RELN: variants seen among roughly 807,000 people sequenced by gnomAD.
RELN encodes the protein reelin.
In RELN, 108 loss-of-function variants were observed where a neutral mutation model predicts 427.6. The ratio of observed to expected loss-of-function variants is 0.25; its 90% CI spans 0.22 to 0.30. The LOEUF is 0.30. RELN is among the 10% of genes least tolerant of loss of function. The pLI is 1.00. For missense variants in RELN, 3,715 were observed against 4,302.8 expected, an observed-to-expected ratio of 0.86 and a Z score of 3.82; for synonymous variants, 1,524 against 1,513.4, an observed-to-expected ratio of 1.01 and a Z score of -0.16.
In RELN at chr7:103,539,341, T is replaced by G. The variant is rs1252466702; in HGVS notation, c.6931-14A>C. ...TCCAATAAGAATCTGAAATGTATTT[T>G]TAAAAAATCCCAAATTTTCCATTTA... On this transcript the variant is annotated splice_polypyrimidine_tract_variant and intron_variant, in intron 44 of 64. Coordinates refer to ENST00000428762, the MANE Select transcript of RELN (RefSeq NM_005045.4). The G allele has an allele frequency of 1.9e-6, 3 of 1,612,856 alleles. No individual in the cohort carries two copies. In the Admixed American group the frequency reaches 5.0e-5, roughly 27 times the overall value.
At chr7:103,526,206 G>A (rs888920145) in intron 46 of RELN, among the ~76,000 whole-genome samples, 3 of 152,268 alleles carry the variant, frequency 2.0e-5, no homozygotes, top group African/African-American at 4.8e-5. Flanking sequence ...TAGAGAAACT[G>A]TATGGAAGAT....
At chr7:103,706,583 C>T (rs576456585) in intron 8 of RELN, among the ~76,000 whole-genome samples, 2 of 152,062 alleles carry the variant, frequency 1.3e-5, no homozygotes, top group Admixed American at 1.3e-4. Flanking sequence ...CCCATGCTTT[C>T]GACTTCTTCA....
At chr7:103,687,974 C>T (rs1833797557) in intron 10 of RELN, among the ~76,000 whole-genome samples, 1 of 152,066 alleles carries the variant, frequency 6.6e-6, no homozygotes, top group Non-Finnish European at 1.5e-5. Context: ...GTGAAAAGCA[C>T]ACTACTTACA....
chr7:103,485,229 C>CAAAAAAAAAAAA (rs35324403), intron 61 of RELN, among the ~76,000 whole-genome samples: 1 of 96,438 alleles, frequency 1.0e-5, no homozygotes, highest in Non-Finnish European at 2.2e-5. Flanking sequence ...TTTGGCAGGC[C>CAAAAAAAAAAAA]AAAAAAAAAA....
chr7:103,914,133 T>C (rs567697517), intron 2 of RELN, among the ~76,000 whole-genome samples: 1 of 152,328 alleles, frequency 6.6e-6, no homozygotes, highest in Non-Finnish European at 1.5e-5. Context: ...CCATAGGAAA[T>C]GTCTTGAAGA....
At chr7:103,543,790 C>T (rs573388436) in intron 42 of RELN, among the ~76,000 whole-genome samples, 248 of 152,202 alleles carry the variant, frequency 1.6e-3, no homozygotes, top group Admixed American at 4.2e-3. Context: ...ACCATTTTAA[C>T]CACGTCAAAG....
intron 3 of RELN, among the ~76,000 whole-genome samples, chr7:103,799,018 G>A (rs1792379070): frequency 6.6e-6 from 1 of 152,082 alleles, no homozygotes; most frequent in African/African-American, 2.4e-5. Flanking sequence ...ACTGGTTTCA[G>A]ACCTACCCCC....
At chr7:103,512,593 C>A (rs1829454058) in intron 50 of RELN, among the ~76,000 whole-genome samples, 1 of 152,162 alleles carries the variant, frequency 6.6e-6, no homozygotes, top group Non-Finnish European at 1.5e-5. Context: ...CAGAGTACAT[C>A]TTGTGTGTTG....
At position 103,589,778 on chromosome 7, in the gene RELN, A is replaced by T. The variant is rs1562908533; in HGVS notation, c.3963T>A (p.Leu1321=). 6.2e-7 allele frequency: 1 copy of T among 1,613,340 alleles called. No individual in the cohort carries two copies. The highest frequency in any genetic ancestry group is 1.1e-5 in the South Asian group (1 of 91,076). Residue 1321 remains leucine, a synonymous_variant, in exon 28 of 65, where the codon CTT becomes CTA. Transcript: ENST00000428762. ...NQFSSTAPVL[L]QYSHDAGMSW... is the part of the protein sequence containing the mutation. ...ACATACCAGCATCATGAGAGTACTG[A>T]AGAAGAACTGGAGCAGTACTGCTGA...
rs57019839 is a variant in RELN at position 103,759,990 on chromosome 7, CTTTTTTTT to C, written c.545-6784_545-6777del. ...TCGGTCATTGGTGCTCACAGTCATA[CTTTTTTTT>C]TTTTTTTTTTTTTTTTTTTTTTTTA... On this transcript the variant is annotated intron_variant, in intron 4 of 64. Coordinates refer to ENST00000428762, the MANE Select transcript of RELN (RefSeq NM_005045.4). Among the ~76,000 whole-genome samples, 52 of 64,928 alleles carry C rather than the reference CTTTTTTTT, an allele frequency of 8.0e-4. 1 individual carries two copies. The highest frequency in any genetic ancestry group is 2.9e-4 in the Non-Finnish European group (10 of 34,916). 42.6% of individuals were successfully genotyped at this position (64,928 alleles called of 152,430 possible). A position where few individuals can be genotyped will look rare whatever the true frequency, so the allele number is the denominator to read the frequency against.
Position 103,539,127 on chromosome 7 carries a change from GA to G in RELN, c.7130del (p.Phe2377SerfsTer4). The part of the protein sequence containing the change: ...STDVAVNEDS[F>X]LQIDFAASCS... ...AGGAGGCAGCGAAGTCTATCTGTAG[GA>G]AGGAATCCTCATTCACGGCAACGTC... On this transcript the variant is annotated frameshift_variant, in exon 45 of 65. Coordinates refer to ENST00000428762, the MANE Select transcript of RELN (RefSeq NM_005045.4). LOFTEE classifies it high-confidence loss of function. 6.2e-7 allele frequency: 1 copy of G among 1,614,182 alleles called. No individual in the cohort carries two copies. The highest frequency in any genetic ancestry group is 1.6e-4 in the Middle Eastern group (1 of 6,062).
chr7:103,832,530 A>G (rs1793299060), intron 3 of RELN, among the ~76,000 whole-genome samples: 1 of 152,230 alleles, frequency 6.6e-6, no homozygotes, highest in Non-Finnish European at 1.5e-5. Context: ...AGTGAAGGAT[A>G]TCACGCATTC....
chr7:103,838,025 G>A (rs1372497064), intron 2 of RELN, among the ~76,000 whole-genome samples: 1 of 151,858 alleles, frequency 6.6e-6, no homozygotes, highest in Non-Finnish European at 1.5e-5. Flanking sequence ...GGGTAACACG[G>A]CGAAACACCG....
chr7:103,789,393 G>C (rs1241110318), intron 3 of RELN, among the ~76,000 whole-genome samples: 1 of 152,162 alleles, frequency 6.6e-6, no homozygotes, highest in Non-Finnish European at 1.5e-5. Context: ...TATCATTAGA[G>C]TGAACAGGCA....
At chr7:103,703,655 A>G (rs1247968776) in intron 8 of RELN, among the ~76,000 whole-genome samples, 1 of 152,230 alleles carries the variant, frequency 6.6e-6, no homozygotes, top group Non-Finnish European at 1.5e-5. Context: ...GAAAGGAAGG[A>G]CAATTTCAAA....
At chr7:103,805,736 C>T (rs1792582754) in intron 3 of RELN, among the ~76,000 whole-genome samples, 1 of 152,140 alleles carries the variant, frequency 6.6e-6, no homozygotes, top group African/African-American at 2.4e-5. Flanking sequence ...CAATTGGTCC[C>T]TTAGTCATTT....
chr7:103,844,539 C>T (rs907715589), intron 2 of RELN, among the ~76,000 whole-genome samples: 4 of 152,100 alleles, frequency 2.6e-5, no homozygotes, highest in Admixed American at 6.5e-5. Flanking sequence ...TATTATTATT[C>T]CTATTTTATA....
At chr7:103,644,618 A>T (rs1383261083) in intron 16 of RELN, among the ~76,000 whole-genome samples, 2 of 151,744 alleles carry the variant, frequency 1.3e-5, no homozygotes, top group African/African-American at 4.8e-5. Context: ...AAAGACTTTG[A>T]GAAATAAGAG....
At chr7:103,914,886 C>A (rs572431275) in intron 2 of RELN, among the ~76,000 whole-genome samples, 1 of 152,116 alleles carries the variant, frequency 6.6e-6, no homozygotes, top group African/African-American at 2.4e-5. Context: ...TTTCTGAACC[C>A]CCTACTGGGC....
Sources: gnomAD v4.1 joint callset for allele counts (sites outside exome capture counted in the v4.1 genomes callset) on GRCh38, gnomAD v4.1.1 for gene constraint, MANE v1.5 for transcripts, NCBI Gene and HGNC (gene_info 2026-07-23, HGNC 2026-07-21) for gene names.